Variants in NINJ2 observed in about 807,000 individuals in gnomAD.
NINJ2 encodes ninjurin-2.
In NINJ2, 12 loss-of-function variants were observed where a neutral mutation model predicts 11.7. That is an observed-to-expected ratio of 1.02 (90% CI 0.66 to 1.66). The LOEUF is 1.66. Among genes scored for constraint, NINJ2 ranks in the 40% most tolerant of loss-of-function variants. The pLI, the probability that NINJ2 is intolerant of heterozygous loss-of-function variation, is 0.00. For missense variants in NINJ2, 187 were observed against 181.8 expected, an observed-to-expected ratio of 1.03 and a Z score of -0.16; for synonymous variants, 93 against 76.8, an observed-to-expected ratio of 1.21 and a Z score of -1.10.
At chr12:611,097 A>C (rs996370300) in intron 1 of NINJ2, among the ~76,000 whole-genome samples, 6 of 152,276 alleles carry the variant, frequency 3.9e-5, no homozygotes, top group African/African-American at 1.4e-4. Context: ...TGTCCCAAGA[A>C]CTTCCTTTTC....
At chr12:649,116 G>C (rs1436006936) in intron 1 of NINJ2, among the ~76,000 whole-genome samples, 1 of 151,026 alleles carries the variant, frequency 6.6e-6, no homozygotes. Context: ...GCGCGATCTC[G>C]GCTCACTGCA....
intron 1 of NINJ2, among the ~76,000 whole-genome samples, chr12:609,130 G>A (rs78460677): frequency 1.9e-4 from 14 of 75,000 alleles, no homozygotes; most frequent in African/African-American, 9.1e-4. Flanking sequence ...TGCTGAACGC[G>A]CACGCACGGC....
chr12:615,042 G>C (rs1948074785), intron 1 of NINJ2, among the ~76,000 whole-genome samples: 1 of 152,176 alleles, frequency 6.6e-6, no homozygotes. Flanking sequence ...AGAGTCGGGA[G>C]AGCGGTTTGT....
At chr12:601,378 C>A (rs1041071399) in intron 1 of NINJ2, among the ~76,000 whole-genome samples, 4 of 151,348 alleles carry the variant, frequency 2.6e-5, no homozygotes, top group Non-Finnish European at 5.9e-5. Context: ...AACCCCGTCT[C>A]TACTAAAAAT....
At chr12:598,237 C>G (rs1947815885) in intron 1 of NINJ2, among the ~76,000 whole-genome samples, 1 of 152,224 alleles carries the variant, frequency 6.6e-6, no homozygotes, top group Non-Finnish European at 1.5e-5. Context: ...TGTTTCCATA[C>G]TTGGCTGCTT....
At chr12:568,474 G>C (rs192033768) in intron 1 of NINJ2, among the ~76,000 whole-genome samples, 8 of 152,190 alleles carry the variant, frequency 5.3e-5, no homozygotes, top group Admixed American at 1.3e-4. Flanking sequence ...CACACACACA[G>C]ACACATTCAA....
intron 1 of NINJ2, among the ~76,000 whole-genome samples, chr12:568,162 T>C (rs1947327850): frequency 6.6e-6 from 1 of 152,228 alleles, no homozygotes; most frequent in South Asian, 2.1e-4. Flanking sequence ...ACTAATTATA[T>C]ATATAGTAAA....
chr12:568,923 C>T (rs1947340150), intron 1 of NINJ2, among the ~76,000 whole-genome samples: 1 of 142,292 alleles, frequency 7.0e-6, no homozygotes, highest in South Asian at 2.3e-4. Flanking sequence ...ACAGGCTGCT[C>T]ACAACAGGCC....
At chr12:609,770 C>CAAAAAAAAAAAAAAAAAAAA (rs1185755822) in intron 1 of NINJ2, among the ~76,000 whole-genome samples, 1 of 88,820 alleles carries the variant, frequency 1.1e-5, no homozygotes, top group East Asian at 3.8e-4. Context: ...GACTCTGCCT[C>CAAAAAAAAAAAAAAAAAAAA]AAAAAAAAAA....
chr12:609,442 GC>G (rs1416306929), intron 1 of NINJ2, among the ~76,000 whole-genome samples: 3 of 152,218 alleles, frequency 2.0e-5, no homozygotes, highest in African/African-American at 7.2e-5. Context: ...GTCCTTGTGA[GC>G]TGAGCAAGGC....
intron 1 of NINJ2, among the ~76,000 whole-genome samples, chr12:602,935 T>C (rs1267065622): frequency 4.6e-5 from 7 of 152,072 alleles, no homozygotes; most frequent in Non-Finnish European, 7.4e-5. Flanking sequence ...TGAGCTCAAG[T>C]GATCCTCCCA....
chr12:569,817 G>C (rs960817228), intron 1 of NINJ2, among the ~76,000 whole-genome samples: 4 of 152,354 alleles, frequency 2.6e-5, no homozygotes, highest in East Asian at 3.9e-4. Context: ...GTGTGCTTAG[G>C]GGGTGCGCCT....
intron 1 of NINJ2, among the ~76,000 whole-genome samples, chr12:629,207 C>T (rs577438556): frequency 6.6e-6 from 1 of 152,280 alleles, no homozygotes; most frequent in South Asian, 2.1e-4. Context: ...TCATTTAATC[C>T]TCACAATGAT....
In NINJ2 at chr12:580,868, G is replaced by C. The variant is rs969401434; in HGVS notation, c.34-14690C>G. ...TGTGTCTGTGTGTGCATGAGTGTCT[G>C]TGTGAATGTGTCTATGCATGTGTCT... On this transcript the variant is annotated intron_variant, in intron 1 of 3. Coordinates refer to ENST00000305108, the MANE Select transcript of NINJ2 (RefSeq NM_016533.6). This position sits in a 1 kb window ranked among gnomAD's most constrained non-coding sequence, Gnocchi z 4.7. 2.6e-5 allele frequency among the ~76,000 whole-genome samples: 4 copies of C among 151,806 alleles called. No homozygotes were observed. The highest frequency in any genetic ancestry group is 9.7e-5 in the African/African-American group (4 of 41,296).
chr12:644,443 G>A (rs1267026258), intron 1 of NINJ2: 2 of 152,210 alleles, frequency 1.3e-5, no homozygotes, highest in Admixed American at 1.3e-4. Context: ...GGAAACAGAG[G>A]TTAAGCATAT....
At chr12:565,668 G>A in intron 2 of NINJ2, 1 of 612,488 alleles carries the variant, frequency 1.6e-6, no homozygotes, top group Non-Finnish European at 2.9e-6. Flanking sequence ...GAGAAGCGGT[G>A]AGCGAGTGAG....
intron 1 of NINJ2, among the ~76,000 whole-genome samples, chr12:601,036 C>T (rs544851886): frequency 8.8e-4 from 134 of 152,258 alleles, no homozygotes; most frequent in African/African-American, 3.0e-3. Flanking sequence ...AACAGGTCCA[C>T]CTTGACCAGA....
intron 1 of NINJ2, among the ~76,000 whole-genome samples, chr12:606,924 A>G (rs2120926180): frequency 6.6e-6 from 1 of 152,322 alleles, no homozygotes; most frequent in East Asian, 1.9e-4. Context: ...AACTGGGTGC[A>G]TGGAGAAAGC....
chr12:629,911 A>ATATATATATATC (rs1948257390), intron 1 of NINJ2, among the ~76,000 whole-genome samples: 1 of 111,522 alleles, frequency 9.0e-6, no homozygotes, highest in African/African-American at 3.1e-5. Flanking sequence ...ATATATATAT[A>ATATATATATATC]TATATATATA....
Sources: gnomAD v4.1 joint callset for allele counts (sites outside exome capture counted in the v4.1 genomes callset) on GRCh38, gnomAD v4.1.1 for gene constraint, Gnocchi (gnomAD v3.1) non-coding constraint, MANE v1.5 for transcripts, NCBI Gene and HGNC (gene_info 2026-07-23, HGNC 2026-07-21) for gene names.